Variants in ANO2 observed in about 807,000 individuals in gnomAD.
ANO2 encodes the protein anoctamin-2.
ANO2 carries 101 observed loss-of-function variants against 124.2 expected under a neutral mutation model. The ratio of observed to expected loss-of-function variants is 0.81; its 90% CI spans 0.69 to 0.96. ANO2 has a LOEUF of 0.96. ANO2 is among the 40% of genes least tolerant of loss of function. The probability of loss-of-function intolerance (pLI) is 0.00; values close to 1 mark genes in which losing one functional copy is unlikely to be tolerated. For synonymous variants in ANO2, 486 were observed against 482.5 expected (o/e 1.01, Z -0.09); for missense variants, 1,293 against 1,274.5 (o/e 1.01, Z -0.22).
In ANO2 at chr12:5,750,881, A is replaced by G; in HGVS notation, c.1145T>C (p.Ile382Thr). Residue 382 changes from isoleucine (I) to threonine (T), a missense_variant, in exon 11 of 25, where the codon ATT becomes ACT. Coordinates refer to ENST00000682330, the MANE Select transcript of ANO2 (RefSeq NM_001364791.2). ...FLIPSSVIGVIVFLYGCATIE... is the reference protein window; with the variant it reads ...FLIPSSVIGVTVFLYGCATIE... ...TGTTGCACATCCATAAAGAAACACAATCACTCCAATTACAGAAGATGGGAT... is the reference window on the plus strand; with the variant it reads ...TGTTGCACATCCATAAAGAAACACAGTCACTCCAATTACAGAAGATGGGAT... The G allele has an allele frequency of 1.9e-6, 3 of 1,612,942 alleles. No homozygotes were observed. The highest frequency in any genetic ancestry group is 2.5e-6 in the Non-Finnish European group (3 of 1,179,406).
chr12:5,797,137 C>T (rs1952887099), intron 10 of ANO2, among the ~76,000 whole-genome samples: 2 of 152,200 alleles, frequency 1.3e-5, no homozygotes, highest in Non-Finnish European at 2.9e-5. Context: ...CGGAGGGTGC[C>T]ATGCATGGTA....
At chr12:5,896,894 G>T (rs897442943) in intron 3 of ANO2, among the ~76,000 whole-genome samples, 51 of 152,288 alleles carry the variant, frequency 3.3e-4, no homozygotes, top group African/African-American at 1.2e-3. Flanking sequence ...TTCCAGTTGA[G>T]ATAATCCATA....
At chr12:5,821,903 G>A (rs539674968) in intron 7 of ANO2, among the ~76,000 whole-genome samples, 51 of 152,238 alleles carry the variant, frequency 3.4e-4, no homozygotes, top group African/African-American at 1.2e-3. Flanking sequence ...AATGCTCATG[G>A]TCTTCATTCC....
Position 5,925,835 on chromosome 12 carries a change from T to A in ANO2, c.23-3031A>T, listed in dbSNP as rs1052576913. Among the ~76,000 whole-genome samples, 1 of 152,202 alleles carries A rather than the reference T, an allele frequency of 6.6e-6. No homozygotes were observed. Among genetic ancestry groups the A allele is most frequent in the African/African-American group, 2.4e-5 (1 of 41,454 alleles). On this transcript the variant is annotated intron_variant, in intron 1 of 24. Coordinates refer to ENST00000682330, the MANE Select transcript of ANO2 (RefSeq NM_001364791.2). The surrounding 1 kb of genome is among the most constrained non-coding windows in gnomAD (Gnocchi z 4.6). ...CACGTCTGGGTTGAGGAGATGGATG[T>A]CGTAAGGCTGGGGCCTGGGCCTTTC...
chr12:5,794,740 A>C (rs1952798616), intron 10 of ANO2, among the ~76,000 whole-genome samples: 1 of 152,108 alleles, frequency 6.6e-6, no homozygotes, highest in South Asian at 2.1e-4. Context: ...CTCTCCCTTC[A>C]TCGTTGTTGT....
intron 20 of ANO2, among the ~76,000 whole-genome samples, chr12:5,592,438 G>A (rs1042108802): frequency 2.0e-5 from 3 of 152,108 alleles, no homozygotes; most frequent in Non-Finnish European, 4.4e-5. Context: ...TAGGCGACAT[G>A]GCATAGGCAA....
chr12:5,918,358 T>C (rs990462989), intron 3 of ANO2, among the ~76,000 whole-genome samples: 8 of 152,092 alleles, frequency 5.3e-5, no homozygotes, highest in Non-Finnish European at 8.8e-5. Flanking sequence ...CACATGCCAT[T>C]CTGCCTAGGG....
At chr12:5,728,552 G>C (rs1950526099) in intron 14 of ANO2, among the ~76,000 whole-genome samples, 1 of 152,116 alleles carries the variant, frequency 6.6e-6, no homozygotes, top group African/African-American at 2.4e-5. Flanking sequence ...CTATTGCTAA[G>C]ATGGCAATTC....
At chr12:5,809,885 C>T (rs111874986) in intron 7 of ANO2, among the ~76,000 whole-genome samples, 4,275 of 152,302 alleles carry the variant, frequency 0.028, 76 homozygotes, top group African/African-American at 0.035. Flanking sequence ...ACCGGCCCTA[C>T]GGCTGCAGTT....
At chr12:5,796,266 G>A (rs1040073497) in intron 10 of ANO2, among the ~76,000 whole-genome samples, 4 of 142,602 alleles carry the variant, frequency 2.8e-5, no homozygotes, top group South Asian at 2.3e-4. Context: ...CACTCACACC[G>A]ACACACGCAT....
intron 14 of ANO2, among the ~76,000 whole-genome samples, chr12:5,706,244 A>G (rs1265024050): frequency 6.6e-6 from 1 of 152,200 alleles, no homozygotes; most frequent in Non-Finnish European, 1.5e-5. Flanking sequence ...AAAACTCTGA[A>G]GTAGCTGTCC....
chr12:5,731,226 G>A (rs984631350), intron 14 of ANO2, among the ~76,000 whole-genome samples: 7 of 152,170 alleles, frequency 4.6e-5, no homozygotes, highest in African/African-American at 1.7e-4. Context: ...GATGAGGGTG[G>A]CGGTGATGAT....
intron 1 of ANO2, among the ~76,000 whole-genome samples, chr12:5,939,034 G>C (rs1336569741): frequency 6.6e-6 from 1 of 151,126 alleles, no homozygotes; most frequent in Non-Finnish European, 1.5e-5. Flanking sequence ...CTGGCCAAGA[G>C]AGTAAAACCC....
chr12:5,726,614 A>T (rs1950452425), intron 14 of ANO2, among the ~76,000 whole-genome samples: 1 of 152,212 alleles, frequency 6.6e-6, no homozygotes, highest in African/African-American at 2.4e-5. Flanking sequence ...TGAGTTGGGG[A>T]TCATAATGGA....
intron 17 of ANO2, among the ~76,000 whole-genome samples, chr12:5,613,229 A>ATGTG (rs141938606): frequency 6.6e-6 from 1 of 151,564 alleles, no homozygotes; most frequent in Non-Finnish European, 1.5e-5. Context: ...GTGTGCGTGT[A>ATGTG]TGTGTGTGTG....
At chr12:5,945,496 G>A (rs1333803237), upstream of ANO2, among the ~76,000 whole-genome samples, 3 of 152,238 alleles carry the variant, frequency 2.0e-5, no homozygotes. Flanking sequence ...CGGGTCCGTG[G>A]GGCTGAGGGG....
chr12:5,583,150 C>A (rs1453000197), intron 20 of ANO2, among the ~76,000 whole-genome samples: 1 of 152,202 alleles, frequency 6.6e-6, no homozygotes, highest in Admixed American at 6.5e-5. Flanking sequence ...TTGTGAAACA[C>A]ACACACACAT....
intron 14 of ANO2, among the ~76,000 whole-genome samples, chr12:5,681,819 T>C (rs1042464026): frequency 3.3e-5 from 5 of 152,170 alleles, no homozygotes; most frequent in African/African-American, 1.2e-4. Context: ...TTTCTCTCAT[T>C]ACCCTATTTG....
chr12:5,726,025 G>T (rs1399239560), intron 14 of ANO2, among the ~76,000 whole-genome samples: 2 of 151,874 alleles, frequency 1.3e-5, no homozygotes, highest in Admixed American at 6.6e-5. Context: ...TCAACTTAGA[G>T]CTTTACCATC....
Sources: gnomAD v4.1 joint callset for allele counts (sites outside exome capture counted in the v4.1 genomes callset) on GRCh38, gnomAD v4.1.1 for gene constraint, Gnocchi (gnomAD v3.1) non-coding constraint, MANE v1.5 for transcripts, NCBI Gene and HGNC (gene_info 2026-07-23, HGNC 2026-07-21) for gene names.